PLB1: variants seen among roughly 807,000 people sequenced by gnomAD.
The protein encoded by PLB1 is phospholipase B1, membrane-associated.
A neutral mutation model predicts 227.4 loss-of-function variants in PLB1; 242 were observed. That is an observed-to-expected ratio of 1.06 (90% CI 0.96 to 1.18). PLB1 has a LOEUF of 1.18. Ranked by LOEUF, PLB1 falls within the 50% of genes most tolerant of loss-of-function variation. The pLI, the probability that PLB1 is intolerant of heterozygous loss-of-function variation, is 0.00. For missense variants in PLB1, 1,858 were observed against 1,816.3 expected, an observed-to-expected ratio of 1.02 and a Z score of -0.42; for synonymous variants, 757 against 682.2, an observed-to-expected ratio of 1.11 and a Z score of -1.71.
intron 43 of PLB1, among the ~76,000 whole-genome samples, chr2:28,610,343 G>A (rs141907823): frequency 7.3e-5 from 11 of 151,664 alleles, no homozygotes; most frequent in Admixed American, 6.6e-4. Context: ...TAGTGATGGG[G>A]TCTCACTCTG....
At chr2:28,562,751 G>A (rs1224070026) in intron 17 of PLB1, among the ~76,000 whole-genome samples, 1 of 151,808 alleles carries the variant, frequency 6.6e-6, no homozygotes, top group Non-Finnish European at 1.5e-5. Flanking sequence ...GTAGCATCTG[G>A]TCCCACCAAA....
At chr2:28,550,561 G>A (rs912440873) in intron 16 of PLB1, among the ~76,000 whole-genome samples, 1 of 148,946 alleles carries the variant, frequency 6.7e-6, no homozygotes, top group African/African-American at 2.5e-5. Flanking sequence ...GGAGGGCGGG[G>A]ACAGAATCTC....
rs1411558549 is a variant in PLB1, at chr2:28,620,880, C to G, written c.3429C>G (p.Asn1143Lys). 6.2e-7 allele frequency: 1 copy of G among 1,613,098 alleles called. No homozygotes were observed. Among genetic ancestry groups the G allele is most frequent in the East Asian group, 2.2e-5 (1 of 44,878 alleles). Residue 1143 changes from asparagine (N) to lysine (K), a missense_variant and splice_region_variant, in exon 49 of 58, where the codon AAC (asparagine) becomes AAG (lysine). By Grantham distance (94) the Asn-to-Lys change is moderately conservative. Transcript: ENST00000327757. ...GNLETHTTLP[N>K]ILKKFNPYLL... ...TCTCCTCCTCCTCCTCCTCTAAAGA[C>G]ATTCTGAAGAAGTTCAACCCTTACC...
At chr2:28,584,691 A>G (rs1481889877) in intron 25 of PLB1, among the ~76,000 whole-genome samples, 1 of 151,990 alleles carries the variant, frequency 6.6e-6, no homozygotes, top group Non-Finnish European at 1.5e-5. Flanking sequence ...CCGCCTCTCC[A>G]CTGTTTCATC....
At chr2:28,632,205 T>A (rs1460647083) in intron 55 of PLB1, 65 bp downstream of exon 55, 2 of 1,352,368 alleles carry the variant, frequency 1.5e-6, no homozygotes, top group Middle Eastern at 1.8e-4. Flanking sequence ...TGGATGTATT[T>A]CCTTCTCTAA....
rs560088170 is a variant in PLB1 at position 28,582,423 on chromosome 2, A to G, written c.1651A>G (p.Asn551Asp). Reference protein sequence around the residue: ...LHAEVPRAFVNLVTVLEIVNL... With the variant: ...LHAEVPRAFVDLVTVLEIVNL... The stretch of plus-strand genomic sequence containing the variant: ...TTCTCAGGTTCCTCGGGCATTTGTG[A>G]ACCTGGTGACGGTGCTTGAGATCGT... Residue 551 changes from asparagine (N) to aspartate (D), a missense_variant, in exon 25 of 58, where the codon AAC becomes GAC. Transcript: ENST00000327757. The G allele has an allele frequency of 6.8e-6, 11 of 1,613,296 alleles. 1 individual carries two copies. In the East Asian group the frequency reaches 2.5e-4, roughly 36 times the overall value.
intron 1 of PLB1, among the ~76,000 whole-genome samples, chr2:28,505,401 A>C (rs760237682): frequency 3.3e-5 from 5 of 152,360 alleles, no homozygotes; most frequent in Admixed American, 1.3e-4. Context: ...AAATATCATT[A>C]ACTCAACTGC....
chr2:28,502,489 AC>A (rs1287566815), intron 1 of PLB1, among the ~76,000 whole-genome samples: 1 of 152,170 alleles, frequency 6.6e-6, no homozygotes, highest in African/African-American at 2.4e-5. Context: ...ATGATTATTT[AC>A]CCTTAGATCT....
intron 1 of PLB1, among the ~76,000 whole-genome samples, chr2:28,502,225 T>C (rs1667182970): frequency 6.6e-6 from 1 of 152,224 alleles, no homozygotes; most frequent in African/African-American, 2.4e-5. Context: ...CTTATTACAA[T>C]GTAATTTGAT....
intron 53 of PLB1, 59 bp from the exon 54 acceptor site, chr2:28,630,527 C>T: frequency 4.0e-6 from 6 of 1,489,158 alleles, no homozygotes; most frequent in Non-Finnish European, 5.6e-6. Flanking sequence ...GCCAGCCTCC[C>T]AGGAGGACAG....
Position 28,633,251 on chromosome 2 carries a change from C to T in PLB1, c.4098+212C>T, listed in dbSNP as rs73924324. On this transcript the variant is annotated intron_variant, in intron 56 of 57. Coordinates refer to ENST00000327757, the MANE Select transcript of PLB1 (RefSeq NM_153021.5). ...TTTGAAAGTTATACAAACACACACT[C>T]ACACAACTTTATTCTTTGTTCCTTC... 1.1e-3 allele frequency: 593 copies of T among 546,626 alleles called. 4 individuals are homozygous for T. The highest frequency in any genetic ancestry group is 0.01 in the African/African-American group (549 of 52,472). 33.9% of individuals were successfully genotyped at this position (546,626 alleles called of 1,614,324 possible).
intron 12 of PLB1, 151 bp from the exon 13 acceptor site, chr2:28,541,556 G>A: frequency 1.6e-6 from 1 of 612,790 alleles, no homozygotes; most frequent in Non-Finnish European, 2.9e-6. Flanking sequence ...GCCCTGAAGG[G>A]TGAGACAAGA....
rs750912510 is a variant in PLB1, at chr2:28,566,878, C to CGG, written c.1324+40_1324+41dup. The CGG allele has an allele frequency of 4.3e-6, 7 of 1,611,654 alleles. No homozygotes were observed. The South Asian group carries it at 7.7e-5, about 18-fold the overall frequency. On this transcript the variant is annotated intron_variant, in intron 20 of 57. Coordinates refer to ENST00000327757, the MANE Select transcript of PLB1 (RefSeq NM_153021.5). ...GGCGGCCGGGATGTTTGGTTTGGGG[C>CGG]GGCCCCTGCACGCTTCCCGCTCCCC...
intron 43 of PLB1, among the ~76,000 whole-genome samples, chr2:28,611,463 C>T (rs547113434): frequency 6.6e-6 from 1 of 152,244 alleles, no homozygotes; most frequent in African/African-American, 2.4e-5. Flanking sequence ...TCTCTGAGGA[C>T]CCTACCTCTC....
intron 1 of PLB1, among the ~76,000 whole-genome samples, chr2:28,507,021 T>A (rs1667708556): frequency 6.6e-6 from 1 of 152,158 alleles, no homozygotes; most frequent in African/African-American, 2.4e-5. Flanking sequence ...GGCTTACTGA[T>A]CAACACACCT....
chr2:28,591,792 G>T lies in PLB1; in HGVS notation c.2188+32G>T, dbSNP rs765425058. Reference sequence around the variant, plus strand: ...CCCCTATGGCACAGCAGGACCCAGGGCCCCTCCACAGGGGCTGCTATGCTG... The same window carrying T: ...CCCCTATGGCACAGCAGGACCCAGGTCCCCTCCACAGGGGCTGCTATGCTG... On this transcript the variant is annotated intron_variant, in intron 31 of 57. Coordinates refer to ENST00000327757, the MANE Select transcript of PLB1 (RefSeq NM_153021.5). The T allele has an allele frequency of 1.9e-6, 3 of 1,608,484 alleles. No homozygotes were observed. In the African/African-American group the frequency reaches 4.0e-5, roughly 22 times the overall value.
intron 44 of PLB1, 95 bp downstream of exon 44, chr2:28,614,191 G>A (rs1685870891): frequency 1.7e-6 from 2 of 1,186,172 alleles, no homozygotes; most frequent in African/African-American, 1.5e-5. Context: ...ATTCACTGAA[G>A]CAGAAATGTA....
chr2:28,541,443 T>C (rs907769791), intron 12 of PLB1, among the ~76,000 whole-genome samples: 1 of 152,224 alleles, frequency 6.6e-6, no homozygotes, highest in African/African-American at 2.4e-5. Context: ...TGGGCTGTCT[T>C]GTCGTTCCTA....
At chr2:28,610,596 C>A (rs749058460) in intron 43 of PLB1, among the ~76,000 whole-genome samples, 1 of 152,176 alleles carries the variant, frequency 6.6e-6, no homozygotes, top group Non-Finnish European at 1.5e-5. Flanking sequence ...TGGCTGCCAA[C>A]CCCTGCCTCA....
Sources: allele counts gnomAD v4.1 joint callset (sites outside exome capture counted in the v4.1 genomes callset), GRCh38; gene constraint gnomAD v4.1.1; transcripts MANE v1.5; gene names NCBI Gene and HGNC (gene_info 2026-07-23, HGNC 2026-07-21).